Variants in NPAS3 observed in about 807,000 individuals in gnomAD.
The protein encoded by NPAS3 is neuronal PAS domain-containing protein 3.
A neutral mutation model predicts 73.1 loss-of-function variants in NPAS3; 14 were observed. The ratio of observed to expected loss-of-function variants is 0.19; its 90% CI spans 0.13 to 0.30. The LOEUF (loss-of-function observed/expected upper bound fraction) is 0.30, where lower values mean the gene tolerates loss of function less well. NPAS3 is among the 10% of genes least tolerant of loss of function. NPAS3 has a pLI of 1.00. For synonymous variants in NPAS3, 620 were observed against 541.5 expected, an observed-to-expected ratio of 1.14 and a Z score of -2.01; for missense variants, 1,096 against 1,250.0, an observed-to-expected ratio of 0.88 and a Z score of 1.86.
At chr14:33,151,836 A>G (rs2044455372) in intron 2 of NPAS3, among the ~76,000 whole-genome samples, 1 of 152,200 alleles carries the variant, frequency 6.6e-6, no homozygotes, top group Non-Finnish European at 1.5e-5. Flanking sequence ...AAATAAGTGA[A>G]GAATAAAGTT....
At chr14:33,055,799 G>GGTGGTGGA in intron 1 of NPAS3, 106 bp from the exon 2 acceptor site, 11 of 662,212 alleles carry the variant, frequency 1.7e-5, no homozygotes, top group Admixed American at 1.1e-4. Context: ...GAGCTCAAAA[G>GGTGGTGGA]CGTAAAAAGC....
intron 9 of NPAS3, among the ~76,000 whole-genome samples, chr14:33,790,679 CT>C (rs1160720496): frequency 2.0e-5 from 3 of 149,950 alleles, no homozygotes; most frequent in South Asian, 2.1e-4. Flanking sequence ...TTTCTTTTTT[CT>C]TTTTTTGAGC....
intron 5 of NPAS3, among the ~76,000 whole-genome samples, chr14:33,660,973 G>A (rs1050432645): frequency 6.6e-6 from 1 of 151,982 alleles, no homozygotes; most frequent in African/African-American, 2.4e-5. Context: ...TGTGTTAAGA[G>A]TCTTTCTTTG....
intron 5 of NPAS3, among the ~76,000 whole-genome samples, chr14:33,606,022 A>G (rs2057548650): frequency 6.6e-6 from 1 of 152,136 alleles, no homozygotes; most frequent in Non-Finnish European, 1.5e-5. Context: ...AATATTTGAC[A>G]AGTATATCAA....
At chr14:33,276,720 G>A (rs1303198344) in intron 3 of NPAS3, among the ~76,000 whole-genome samples, 1 of 151,890 alleles carries the variant, frequency 6.6e-6, no homozygotes, top group African/African-American at 2.4e-5. Context: ...ATCATACTTG[G>A]CATATAGAAG....
intron 3 of NPAS3, 74 bp from the exon 4 acceptor site, chr14:33,367,112 A>G (rs1399992233): frequency 2.9e-6 from 2 of 697,224 alleles, no homozygotes; most frequent in Non-Finnish European, 4.9e-6. Flanking sequence ...GCCATTCAAG[A>G]GAAACTAAGC....
chr14:33,622,261 G>C (rs1044223289), intron 5 of NPAS3, among the ~76,000 whole-genome samples: 5 of 151,868 alleles, frequency 3.3e-5, no homozygotes, highest in African/African-American at 1.2e-4. Flanking sequence ...TCAATAAAGT[G>C]GAACCATAAG....
intron 1 of NPAS3, among the ~76,000 whole-genome samples, chr14:33,039,888 A>T (rs74432903): frequency 0.015 from 2,318 of 152,298 alleles, 56 homozygotes; most frequent in African/African-American, 0.052. Context: ...GGAAAGAGAC[A>T]CAAGGTATAT....
intron 1 of NPAS3, among the ~76,000 whole-genome samples, chr14:32,953,357 G>C (rs1391416125): frequency 6.6e-6 from 1 of 152,038 alleles, no homozygotes; most frequent in African/African-American, 2.4e-5. Flanking sequence ...TAAACACCAA[G>C]CTGTATCCTG....
At chr14:32,994,282 A>T (rs774503162) in intron 1 of NPAS3, among the ~76,000 whole-genome samples, 1 of 152,212 alleles carries the variant, frequency 6.6e-6, no homozygotes, top group South Asian at 2.1e-4. Flanking sequence ...ATGGTACTTC[A>T]CTGTTCTGTT....
intron 3 of NPAS3, among the ~76,000 whole-genome samples, chr14:33,249,176 G>GT (rs1258510951): frequency 6.6e-6 from 1 of 152,088 alleles, no homozygotes; most frequent in Non-Finnish European, 1.5e-5. Context: ...TTTTTATTGA[G>GT]TAAGTAGGGC....
At chr14:33,229,172 T>A (rs1024343017) in intron 3 of NPAS3, among the ~76,000 whole-genome samples, 5 of 152,192 alleles carry the variant, frequency 3.3e-5, no homozygotes, top group African/African-American at 7.2e-5. Flanking sequence ...CTCTGTTATC[T>A]GAATATACTT....
intron 5 of NPAS3, among the ~76,000 whole-genome samples, chr14:33,570,327 G>A (rs960897805): frequency 6.6e-6 from 1 of 152,136 alleles, no homozygotes; most frequent in Non-Finnish European, 1.5e-5. Flanking sequence ...AACATGATCC[G>A]ACTGTTCAGT....
chr14:33,409,333 T>C (rs980786752), intron 4 of NPAS3, among the ~76,000 whole-genome samples: 2 of 152,166 alleles, frequency 1.3e-5, no homozygotes, highest in Non-Finnish European at 2.9e-5. Flanking sequence ...TTTCCCACTT[T>C]GGTGGCCTTT....
chr14:33,657,846 C>A (rs1051811336), intron 5 of NPAS3, among the ~76,000 whole-genome samples: 1 of 152,016 alleles, frequency 6.6e-6, no homozygotes, highest in Admixed American at 6.5e-5. Flanking sequence ...GCGTTGCAGT[C>A]AGTGGATAAC....
intron 6 of NPAS3, among the ~76,000 whole-genome samples, chr14:33,718,912 GC>G (rs988951941): frequency 1.3e-4 from 20 of 152,082 alleles, no homozygotes; most frequent in Non-Finnish European, 2.4e-4. Context: ...GATCAATTGA[GC>G]CCAGGAGTTC....
At chr14:33,611,833 A>G (rs12147074) in intron 5 of NPAS3, among the ~76,000 whole-genome samples, 5,186 of 152,290 alleles carry the variant, frequency 0.034, 277 homozygotes, top group East Asian at 0.27. Context: ...TTTTGTGAAA[A>G]TGTATTTAAC....
chr14:33,276,048 G>A (rs983924392), intron 3 of NPAS3, among the ~76,000 whole-genome samples: 4 of 152,084 alleles, frequency 2.6e-5, no homozygotes, highest in South Asian at 4.1e-4. Flanking sequence ...ACAGTTTCAT[G>A]CTTTCTGTTC....
chr14:33,305,895 T>C (rs2042735938), intron 3 of NPAS3, among the ~76,000 whole-genome samples: 1 of 152,216 alleles, frequency 6.6e-6, no homozygotes, highest in African/African-American at 2.4e-5. Flanking sequence ...TGGTATTCTC[T>C]GAATTTGCAA....
Sources: gnomAD v4.1 joint callset for allele counts (sites outside exome capture counted in the v4.1 genomes callset) on GRCh38, gnomAD v4.1.1 for gene constraint, MANE v1.5 for transcripts, NCBI Gene and HGNC (gene_info 2026-07-23, HGNC 2026-07-21) for gene names.